The following FARS2 variants were observed in gnomAD, a reference collection of about 807,000 sequenced individuals.
The protein encoded by FARS2 is phenylalanine--tRNA ligase, mitochondrial.
In FARS2, 40 loss-of-function variants were observed where a neutral mutation model predicts 46.4. The observed-to-expected ratio is 0.86, with a 90% CI of 0.67 to 1.12. The LOEUF (loss-of-function observed/expected upper bound fraction) is 1.12. Among genes scored for constraint, FARS2 ranks in the 50% most tolerant of loss-of-function variants. The probability of loss-of-function intolerance (pLI) is 0.00; values close to 1 mark genes in which losing one functional copy is unlikely to be tolerated. For synonymous variants in FARS2, 234 were observed against 214.9 expected (o/e 1.09, Z -0.78); for missense variants, 513 against 567.9 (o/e 0.90, Z 0.98).
rs140574098 is a variant in FARS2, at chr6:5,424,534, G to A, written c.773-6507G>A. 5.9e-3 allele frequency among the ~76,000 whole-genome samples: 901 copies of A among 152,230 alleles called. 11 individuals are homozygous for A. Among genetic ancestry groups the A allele is most frequent in the Middle Eastern group, 0.027 (8 of 292 alleles). ...CATTCAGTGAAAAAAGCGTGGTGCC[G>A]AATAAAGTACACACTATGCTGCTTG... is the stretch of plus-strand genomic sequence containing the variant. On this transcript the variant is annotated intron_variant, in intron 3 of 6. Coordinates refer to ENST00000274680, the MANE Select transcript of FARS2 (RefSeq NM_006567.5).
At chr6:5,509,412 C>T (rs1768294457) in intron 4 of FARS2, among the ~76,000 whole-genome samples, 1 of 152,200 alleles carries the variant, frequency 6.6e-6, no homozygotes, top group South Asian at 2.1e-4. Context: ...CACCACGTAG[C>T]TGATGAAAAT....
intron 6 of FARS2, among the ~76,000 whole-genome samples, chr6:5,767,861 A>G (rs1762832925): frequency 6.6e-6 from 1 of 152,222 alleles, no homozygotes; most frequent in African/African-American, 2.4e-5. Flanking sequence ...AAGAGGCTGC[A>G]TTGGGTGATA....
rs1472943265 is a variant in FARS2, at chr6:5,368,777, G to C, written c.207G>C (p.Lys69Asn). The C allele has an allele frequency of 1.9e-6, 3 of 1,614,198 alleles. No homozygotes were observed. Among genetic ancestry groups the C allele is most frequent in the South Asian group, 1.1e-5 (1 of 91,084 alleles). ...ACGACCACAGCAACCTCACCCGGAA[G>C]GTCCTCACCAGAGTTGGCAGGAACC... ...PQDDHSNLTR[K>N]VLTRVGRNLH... The change falls in exon 2 of 7, where the codon AAG becomes AAC. Residue 69 changes from lysine (K) to asparagine (N), a missense_variant. By Grantham distance (94) the Lys-to-Asn change is moderately conservative. Coordinates refer to ENST00000274680, the MANE Select transcript of FARS2 (RefSeq NM_006567.5).
At chr6:5,510,478 T>C (rs1457832345) in intron 4 of FARS2, among the ~76,000 whole-genome samples, 2 of 151,738 alleles carry the variant, frequency 1.3e-5, no homozygotes, top group East Asian at 3.9e-4. Flanking sequence ...GCCTGGCCTG[T>C]CTTTCGCCCT....
chr6:5,300,551 A>T (rs531026957), intron 1 of FARS2, among the ~76,000 whole-genome samples: 5 of 152,026 alleles, frequency 3.3e-5, no homozygotes, highest in African/African-American at 4.8e-5. Context: ...CCCCTTAGTT[A>T]ATTACTGAGG....
chr6:5,285,746 T>G (rs1384780325), intron 1 of FARS2, among the ~76,000 whole-genome samples: 2 of 152,234 alleles, frequency 1.3e-5, no homozygotes, highest in African/African-American at 4.8e-5. Flanking sequence ...TCTGTCTCAG[T>G]GATGTTATCT....
At chr6:5,719,650 T>G (rs1759761349) in intron 6 of FARS2, among the ~76,000 whole-genome samples, 1 of 152,096 alleles carries the variant, frequency 6.6e-6, no homozygotes, top group South Asian at 2.1e-4. Flanking sequence ...TTATGTGGAC[T>G]TTACCAGAAG....
chr6:5,351,548 C>A (rs1372611891), intron 1 of FARS2, among the ~76,000 whole-genome samples: 2 of 152,034 alleles, frequency 1.3e-5, no homozygotes, highest in Non-Finnish European at 2.9e-5. Context: ...TTAACTGATC[C>A]CCCCCACAAC....
chr6:5,732,312 A>G (rs1185221700), intron 6 of FARS2, among the ~76,000 whole-genome samples: 1 of 152,132 alleles, frequency 6.6e-6, no homozygotes, highest in African/African-American at 2.4e-5. Context: ...CTAGCCCTCC[A>G]TGGAGGGCAG....
chr6:5,344,595 A>G (rs370848827), intron 1 of FARS2, among the ~76,000 whole-genome samples: 1 of 152,168 alleles, frequency 6.6e-6, no homozygotes, highest in East Asian at 1.9e-4. Flanking sequence ...GCACCAACTG[A>G]TAAAATCTGC....
At chr6:5,656,772 C>T (rs1354352617) in intron 6 of FARS2, among the ~76,000 whole-genome samples, 1 of 152,160 alleles carries the variant, frequency 6.6e-6, no homozygotes, top group Non-Finnish European at 1.5e-5. Flanking sequence ...TGGTCTTGAA[C>T]TCCTGACCTC....
intron 6 of FARS2, among the ~76,000 whole-genome samples, chr6:5,746,476 G>C (rs1376889070): frequency 6.6e-6 from 1 of 152,150 alleles, no homozygotes; most frequent in Non-Finnish European, 1.5e-5. Context: ...GCCACTCAGA[G>C]TCCCCGAGCC....
intron 6 of FARS2, among the ~76,000 whole-genome samples, chr6:5,715,618 G>A (rs1442666653): frequency 6.6e-6 from 1 of 152,148 alleles, no homozygotes; most frequent in Admixed American, 6.5e-5. Flanking sequence ...GCATAATGAT[G>A]TCAAGGTTCA....
At chr6:5,390,169 T>A (rs1041630700) in intron 2 of FARS2, among the ~76,000 whole-genome samples, 1 of 152,192 alleles carries the variant, frequency 6.6e-6, no homozygotes, top group Non-Finnish European at 1.5e-5. Context: ...CAGCCTCTAC[T>A]ACAGTTTTTT....
intron 2 of FARS2, among the ~76,000 whole-genome samples, chr6:5,390,997 G>A (rs1461968350): frequency 1.3e-5 from 2 of 152,192 alleles, no homozygotes; most frequent in African/African-American, 4.8e-5. Flanking sequence ...AAATGTATTA[G>A]TCCTTGTTCA....
At chr6:5,285,727 G>A (rs1406079725) in intron 1 of FARS2, among the ~76,000 whole-genome samples, 1 of 152,168 alleles carries the variant, frequency 6.6e-6, no homozygotes, top group Non-Finnish European at 1.5e-5. Flanking sequence ...TTTAGGTCAA[G>A]TTTCAGTGTC....
chr6:5,578,605 C>CGACA (rs1773125247), intron 5 of FARS2, among the ~76,000 whole-genome samples: 1 of 151,874 alleles, frequency 6.6e-6, no homozygotes, highest in South Asian at 2.1e-4. Flanking sequence ...GTCAGGAGAT[C>CGACA]GACACCATCC....
chr6:5,462,421 G>A (rs1422956130), intron 4 of FARS2, among the ~76,000 whole-genome samples: 1 of 151,552 alleles, frequency 6.6e-6, no homozygotes, highest in African/African-American at 2.4e-5. Flanking sequence ...TTTTTTTAAT[G>A]GATTATGATT....
chr6:5,395,073 CAG>C (rs765071142), intron 2 of FARS2, among the ~76,000 whole-genome samples: 8 of 152,140 alleles, frequency 5.3e-5, no homozygotes, highest in Admixed American at 5.2e-4. Context: ...GGTTTTGAGA[CAG>C]AGTCTCGCTC....
Sources: gnomAD v4.1 joint callset for allele counts (sites outside exome capture counted in the v4.1 genomes callset) on GRCh38, gnomAD v4.1.1 for gene constraint, MANE v1.5 for transcripts, NCBI Gene and HGNC (gene_info 2026-07-23, HGNC 2026-07-21) for gene names.